ETS1: variants seen among roughly 807,000 people sequenced by gnomAD.
ETS1 encodes the protein ETS proto-oncogene 1, transcription factor, also known as protein C-ets-1.
ETS1 carries 15 observed loss-of-function variants against 58.6 expected under a neutral mutation model. That is an observed-to-expected ratio of 0.26 (90% confidence interval 0.17 to 0.39). The LOEUF (loss-of-function observed/expected upper bound fraction) is 0.39, where lower values mean the gene tolerates loss of function less well. Among genes scored for constraint, ETS1 ranks in the 10% least tolerant of loss-of-function variants. The probability of loss-of-function intolerance (pLI) is 1.00; values close to 1 mark genes in which losing one functional copy is unlikely to be tolerated. For missense variants in ETS1, 417 were observed against 610.5 expected, an observed-to-expected ratio of 0.68 and a Z score of 3.34; for synonymous variants, 214 against 218.2, an observed-to-expected ratio of 0.98 and a Z score of 0.17.
intron 7 of ETS1, among the ~76,000 whole-genome samples, chr11:128,481,459 A>G (rs2135443698): frequency 6.6e-6 from 1 of 152,354 alleles, no homozygotes; most frequent in Non-Finnish European, 1.5e-5. Flanking sequence ...GAGGAAAACA[A>G]ATGAATCTAA....
At chr11:128,579,016 A>C (rs1326933718) in intron 1 of ETS1, among the ~76,000 whole-genome samples, 1 of 152,224 alleles carries the variant, frequency 6.6e-6, no homozygotes, top group Non-Finnish European at 1.5e-5. Flanking sequence ...ATATTGACTA[A>C]CTGCATTCTA....
At chr11:128,522,403 C>A (rs1351879930) in intron 3 of ETS1, 7 of 956,118 alleles carry the variant, frequency 7.3e-6, no homozygotes, top group Admixed American at 1.2e-4. Flanking sequence ...TGGGTCCGCG[C>A]GCCCTGGGCC....
At chr11:128,525,800 A>G (rs1167937715) in intron 3 of ETS1, among the ~76,000 whole-genome samples, 2 of 152,190 alleles carry the variant, frequency 1.3e-5, no homozygotes, top group Non-Finnish European at 1.5e-5. Context: ...AAGTCACACT[A>G]GGGAAGAAAA....
chr11:128,494,694 C>T (rs1862891985), intron 3 of ETS1, among the ~76,000 whole-genome samples: 1 of 152,198 alleles, frequency 6.6e-6, no homozygotes, highest in Admixed American at 6.5e-5. Flanking sequence ...ATGGCTCTTA[C>T]CAACAATGGT....
intron 1 of ETS1, among the ~76,000 whole-genome samples, chr11:128,585,315 A>AGAAGGAAG (rs201286074): frequency 0.087 from 11,866 of 136,232 alleles, 829 homozygotes; most frequent in African/African-American, 0.11. Context: ...AAGGGAGGGA[A>AGAAGGAAG]GAAGGAAGGA....
intron 3 of ETS1, among the ~76,000 whole-genome samples, chr11:128,510,161 G>A (rs1286449846): frequency 2.0e-5 from 3 of 152,148 alleles, no homozygotes; most frequent in African/African-American, 4.8e-5. Flanking sequence ...CCCTTGGGGA[G>A]CTCATATGTA....
At position 128,462,374 on chromosome 11, in the gene ETS1, T is replaced by C; in HGVS notation, c.1445A>G (p.Asp482Gly). The C allele has an allele frequency of 1.9e-6, 3 of 1,612,824 alleles. No homozygotes were observed. The highest frequency in any genetic ancestry group is 2.5e-6 in the Non-Finnish European group (3 of 1,178,874). ...CCTTCAGTGCCATCACTCGTCGGCA[T>C]CTGGCTTGACGTCCAGCATGGCGTG... is the stretch of plus-strand genomic sequence containing the variant. Reference protein sequence around the residue: ...ELHAMLDVKPDADE With the variant: ...ELHAMLDVKPGADE The change falls in exon 10 of 10, where the codon GAT becomes GGT. Residue 482 changes from aspartate to glycine, a missense_variant. Asp to Gly is a moderately conservative substitution (Grantham distance 94, BLOSUM62 -1). Around this residue, in one of 4 missense-constraint regions of ETS1, gnomAD observed 56 missense variants for 156.1 expected, o/e 0.36. Transcript: ENST00000392668.
chr11:128,566,579 C>G (rs574038391), intron 2 of ETS1, among the ~76,000 whole-genome samples: 85 of 152,146 alleles, frequency 5.6e-4, no homozygotes, highest in African/African-American at 1.6e-3. Context: ...GTCAGGAGAT[C>G]GAGACCATCC....
In ETS1 at chr11:128,460,097, C is replaced by CACACACACAA. The variant is rs1565360555; in HGVS notation, c.*2263_*2264insTTGTGTGTGT. On this transcript the variant is annotated 3_prime_UTR_variant, in exon 10 of 10. Coordinates refer to ENST00000392668, the MANE Select transcript of ETS1 (RefSeq NM_001143820.2). ...ACACACACACACACACACACACACA[C>CACACACACAA]ACACACACACACACACACAACATTC... is the stretch of plus-strand genomic sequence containing the variant. The CACACACACAA allele has an allele frequency of 5.7e-4, 26 of 45,714 alleles. No homozygotes were observed. Among genetic ancestry groups the CACACACACAA allele is most frequent in the Non-Finnish European group, 1.9e-4 (3 of 15,402 alleles). The allele number at this position is 45,714 out of a possible 1,614,324, so 2.8% of individuals were successfully genotyped here. A position where few individuals can be genotyped will look rare whatever the true frequency, so the allele number is the denominator to read the frequency against.
chr11:128,472,468 T>C (rs1049636719), intron 8 of ETS1, among the ~76,000 whole-genome samples: 2 of 152,182 alleles, frequency 1.3e-5, no homozygotes, highest in Non-Finnish European at 2.9e-5. Context: ...GGACACATGG[T>C]CTTGAGTCCT....
At position 128,464,931 on chromosome 11, in the gene ETS1, C is replaced by T. The variant is rs540687290; in HGVS notation, c.1124-1304G>A. On this transcript the variant is annotated intron_variant, in intron 8 of 9. Coordinates refer to ENST00000392668, the MANE Select transcript of ETS1 (RefSeq NM_001143820.2). This position sits in a 1 kb window ranked among gnomAD's most constrained non-coding sequence, Gnocchi z 4.1. Reference sequence around the variant, plus strand: ...GTAAGGAGAGGCACAAGTGGTCTTACGGCTTCCTTTCTAATGGTGCAGAAA... The same window carrying T: ...GTAAGGAGAGGCACAAGTGGTCTTATGGCTTCCTTTCTAATGGTGCAGAAA... 2.6e-5 allele frequency among the ~76,000 whole-genome samples: 4 copies of T among 152,318 alleles called. No individual in the cohort carries two copies. The highest frequency in any genetic ancestry group is 2.1e-4 in the South Asian group (1 of 4,822).
intron 3 of ETS1, among the ~76,000 whole-genome samples, chr11:128,496,375 T>A (rs931094712): frequency 2.0e-5 from 3 of 151,908 alleles, no homozygotes; most frequent in Non-Finnish European, 4.4e-5. Flanking sequence ...ATGGTCAACA[T>A]CCTCATGAAC....
chr11:128,526,939 A>C (rs1211262191), intron 3 of ETS1: 8 of 456,180 alleles, frequency 1.8e-5, no homozygotes, highest in Non-Finnish European at 3.1e-5. Context: ...AGGGCCACAC[A>C]ATCTAAAAAA....
chr11:128,497,163 G>A (rs1395274659), intron 3 of ETS1, among the ~76,000 whole-genome samples: 1 of 152,178 alleles, frequency 6.6e-6, no homozygotes, highest in Non-Finnish European at 1.5e-5. Flanking sequence ...AGAAGAAGCT[G>A]CAGAGAAAAT....
intron 3 of ETS1, among the ~76,000 whole-genome samples, chr11:128,547,020 T>C (rs1043108281): frequency 6.6e-6 from 1 of 152,070 alleles, no homozygotes; most frequent in Non-Finnish European, 1.5e-5. Flanking sequence ...TAAAGAAATA[T>C]GTTAAAGAAA....
At chr11:128,529,822 C>T (rs1863866562) in intron 3 of ETS1, among the ~76,000 whole-genome samples, 3 of 152,126 alleles carry the variant, frequency 2.0e-5, no homozygotes, top group Non-Finnish European at 2.9e-5. Flanking sequence ...CAATGAGCAG[C>T]ATTATAGTGT....
At chr11:128,506,522 G>A (rs949813264) in intron 3 of ETS1, among the ~76,000 whole-genome samples, 2 of 152,148 alleles carry the variant, frequency 1.3e-5, no homozygotes, top group Non-Finnish European at 2.9e-5. Flanking sequence ...GAACTAGCGG[G>A]GTCCAGAAGC....
chr11:128,571,397 ACAGAGCGAGACTCCGTCCAGCCTGGGC>A (rs1864625712), intron 2 of ETS1, among the ~76,000 whole-genome samples: 1 of 145,064 alleles, frequency 6.9e-6, no homozygotes, highest in Non-Finnish European at 1.5e-5. Flanking sequence ...AGCCTGGGTG[ACAGAGCGAGACTCCGTCCAGCCTGGGC>A]GACAGAGCGA....
intron 1 of ETS1, among the ~76,000 whole-genome samples, chr11:128,577,182 T>C (rs1429241204): frequency 6.6e-6 from 1 of 152,204 alleles, no homozygotes; most frequent in Non-Finnish European, 1.5e-5. Context: ...AGACTAAAAA[T>C]GTAAGAGGTA....
Sources: gnomAD v4.1 joint callset for allele counts (sites outside exome capture counted in the v4.1 genomes callset) on GRCh38, gnomAD v4.1.1 for gene constraint, gnomAD v4.1.1 regional missense constraint, Gnocchi (gnomAD v3.1) non-coding constraint, MANE v1.5 for transcripts, NCBI Gene and HGNC (gene_info 2026-07-23, HGNC 2026-07-21) for gene names.